The following ZNF423 variants were observed in gnomAD, a reference collection of about 807,000 sequenced individuals.
ZNF423 encodes the protein Ebf-associated zinc finger protein.
Under a neutral mutation model 95.8 loss-of-function variants are expected in ZNF423, and 12 were observed. The observed-to-expected ratio is 0.13, with a 90% CI of 0.08 to 0.20. The LOEUF is 0.20. Ranked by LOEUF, ZNF423 falls within the 10% of genes least tolerant of loss-of-function variation. ZNF423 has a pLI of 1.00. For synonymous variants in ZNF423, 749 were observed against 711.9 expected (o/e 1.05, Z -0.83); for missense variants, 1,316 against 1,737.1 (o/e 0.76, Z 4.31).
intron 3 of ZNF423, among the ~76,000 whole-genome samples, chr16:49,710,592 A>AGATG (rs2032512711): frequency 6.6e-6 from 1 of 152,184 alleles, no homozygotes; most frequent in Admixed American, 6.5e-5. Context: ...CATCCTGGTG[A>AGATG]GATGGCACAG....
rs1052587825 is a variant in ZNF423, at chr16:49,638,069, C to T, written c.1107G>A (p.Leu369=). 3 of 1,613,792 alleles carry T rather than the reference C, an allele frequency of 1.9e-6. No homozygotes were observed. The highest frequency in any genetic ancestry group is 2.5e-6 in the Non-Finnish European group (3 of 1,180,006). ...SNHSVSPDPV[L]GSVASMSSAT... The stretch of plus-strand genomic sequence containing the variant: ...CGCTGCTCATGGAGGCCACGCTGCC[C>T]AGTACAGGGTCGGGACTGACACTGT... The change falls in exon 4 of 8, where the codon CTG becomes CTA. Residue 369 remains leucine, a synonymous_variant. Coordinates refer to ENST00000563137, the MANE Select transcript of ZNF423 (RefSeq NM_001379286.1). This position sits in a 1 kb window ranked among gnomAD's most constrained non-coding sequence, Gnocchi z 5.6.
chr16:49,783,233 G>T (rs1477657329), intron 2 of ZNF423, among the ~76,000 whole-genome samples: 1 of 150,442 alleles, frequency 6.6e-6, no homozygotes, highest in Non-Finnish European at 1.5e-5. Flanking sequence ...GTAGGGTTAG[G>T]GTTAGTACCA....
chr16:49,595,038 AC>A (rs1205152852), intron 5 of ZNF423, among the ~76,000 whole-genome samples: 1 of 151,364 alleles, frequency 6.6e-6, no homozygotes, highest in Admixed American at 6.6e-5. Flanking sequence ...ATTCCTCTCC[AC>A]CCCACCACCT....
chr16:49,644,544 C>G (rs1362901571), intron 3 of ZNF423, among the ~76,000 whole-genome samples: 1 of 150,312 alleles, frequency 6.7e-6, no homozygotes, highest in African/African-American at 2.5e-5. Flanking sequence ...GTATTTGCAA[C>G]CCCAGCCACT....
intron 2 of ZNF423, among the ~76,000 whole-genome samples, chr16:49,757,085 C>G (rs1596973768): frequency 6.6e-6 from 1 of 152,334 alleles, no homozygotes; most frequent in Non-Finnish European, 1.5e-5. Context: ...TGTCACGATG[C>G]ACAATGACAG....
intron 3 of ZNF423, among the ~76,000 whole-genome samples, chr16:49,684,485 G>C (rs1474956278): frequency 6.6e-6 from 1 of 152,204 alleles, no homozygotes; most frequent in African/African-American, 2.4e-5. Context: ...TCTATGGTGG[G>C]TGCCTGATGT....
At chr16:49,610,470 A>G (rs1441031339) in intron 5 of ZNF423, among the ~76,000 whole-genome samples, 1 of 152,170 alleles carries the variant, frequency 6.6e-6, no homozygotes, top group African/African-American at 2.4e-5. Context: ...TGACACCAGT[A>G]GTCTTTGATA....
intron 3 of ZNF423, among the ~76,000 whole-genome samples, chr16:49,679,472 A>G (rs1377537003): frequency 2.0e-5 from 3 of 152,164 alleles, no homozygotes; most frequent in Admixed American, 6.5e-5. Context: ...ACCCTCTCTG[A>G]TTTTGGAGCA....
chr16:49,498,056 T>C (rs1967234202), intron 7 of ZNF423, among the ~76,000 whole-genome samples: 2 of 152,110 alleles, frequency 1.3e-5, no homozygotes, highest in South Asian at 4.2e-4. Flanking sequence ...TGAGAGATGG[T>C]TTTCCAGGCA....
At chr16:49,502,587 T>C (rs1967451540) in intron 7 of ZNF423, among the ~76,000 whole-genome samples, 1 of 151,568 alleles carries the variant, frequency 6.6e-6, no homozygotes, top group South Asian at 2.1e-4. Flanking sequence ...ATCTGGACCA[T>C]AAGTAACCCC....
At chr16:49,769,629 G>C (rs753759830) in intron 2 of ZNF423, among the ~76,000 whole-genome samples, 3 of 151,990 alleles carry the variant, frequency 2.0e-5, no homozygotes, top group Non-Finnish European at 2.9e-5. Context: ...ACCCACTAAG[G>C]CTCCAGGCCT....
chr16:49,676,833 T>C (rs1021532618), intron 3 of ZNF423, among the ~76,000 whole-genome samples: 11 of 151,646 alleles, frequency 7.3e-5, no homozygotes, highest in Non-Finnish European at 1.0e-4. Flanking sequence ...TAGAAAGGAG[T>C]GGGGATGGTG....
rs368912620 is a variant in ZNF423, at chr16:49,759,331, G to A, written c.101-28360C>T. ...GGAGAATCGCTTGAACCCGGGAGGCGGAGGTTGCGGTGAGCCAAGATCGAG... is the reference window on the plus strand; with the variant it reads ...GGAGAATCGCTTGAACCCGGGAGGCAGAGGTTGCGGTGAGCCAAGATCGAG... On this transcript the variant is annotated intron_variant, in intron 2 of 7. Coordinates refer to ENST00000563137, the MANE Select transcript of ZNF423 (RefSeq NM_001379286.1). 3.1e-4 allele frequency among the ~76,000 whole-genome samples: 47 copies of A among 152,096 alleles called. 1 individual carries two copies. Among genetic ancestry groups the A allele is most frequent in the Non-Finnish European group, 6.2e-4 (42 of 67,988 alleles).
chr16:49,591,122 C>G (rs1041457038), intron 5 of ZNF423, among the ~76,000 whole-genome samples: 1 of 152,132 alleles, frequency 6.6e-6, no homozygotes, highest in Non-Finnish European at 1.5e-5. Flanking sequence ...CACTGGAAAC[C>G]AAACCAAGTG....
intron 1 of ZNF423, among the ~76,000 whole-genome samples, chr16:49,834,385 C>T (rs1019564993): frequency 6.6e-6 from 1 of 152,218 alleles, no homozygotes; most frequent in Non-Finnish European, 1.5e-5. Context: ...CTCCAAGTCC[C>T]TCAATGCACA....
intron 5 of ZNF423, among the ~76,000 whole-genome samples, chr16:49,582,116 CA>C (rs1802046893): frequency 1.3e-5 from 2 of 152,340 alleles, no homozygotes; most frequent in Admixed American, 6.5e-5. Flanking sequence ...CGCCTACACG[CA>C]AGCTGGGGAT....
chr16:49,765,732 A>C (rs1359892834), intron 2 of ZNF423, among the ~76,000 whole-genome samples: 4 of 152,184 alleles, frequency 2.6e-5, no homozygotes, highest in Non-Finnish European at 5.9e-5. Context: ...AAAATAAAAA[A>C]ATAAGTCAAA....
chr16:49,854,963 C>T (rs2035343204), intron 1 of ZNF423: 13 of 984,836 alleles, frequency 1.3e-5, no homozygotes, highest in South Asian at 9.4e-5. Context: ...GGGGTCAGAT[C>T]CGGGGCGCCC....
chr16:49,640,163 C>A (rs534878830), intron 3 of ZNF423, among the ~76,000 whole-genome samples: 66 of 152,298 alleles, frequency 4.3e-4, no homozygotes, highest in African/African-American at 1.5e-3. Context: ...TTCAGAAGAG[C>A]CTCACAGACG....
Sources: gnomAD v4.1 joint callset for allele counts (sites outside exome capture counted in the v4.1 genomes callset) on GRCh38, gnomAD v4.1.1 for gene constraint, Gnocchi (gnomAD v3.1) non-coding constraint, MANE v1.5 for transcripts, NCBI Gene and HGNC (gene_info 2026-07-23, HGNC 2026-07-21) for gene names.